Variants in GPCPD1 observed in about 807,000 individuals in gnomAD.
GPCPD1 encodes glycerophosphocholine phosphodiesterase GPCPD1.
In GPCPD1, 29 loss-of-function variants were observed where a neutral mutation model predicts 89.2. The ratio of observed to expected loss-of-function variants is 0.33; its 90% CI spans 0.24 to 0.44. GPCPD1 has a LOEUF of 0.44. Among genes scored for constraint, GPCPD1 ranks in the 20% least tolerant of loss-of-function variants. The pLI, the probability that GPCPD1 is intolerant of heterozygous loss-of-function variation, is 1.00. For missense variants in GPCPD1, 594 were observed against 808.9 expected (o/e 0.73, Z 3.22); for synonymous variants, 258 against 266.3 (o/e 0.97, Z 0.30).
rs924424487 is a variant in GPCPD1, at chr20:5,546,161, C to T, written c.*1500G>A. The T allele has an allele frequency of 1.3e-5, 2 of 152,168 alleles. No homozygotes were observed. The highest frequency in any genetic ancestry group is 4.8e-5 in the African/African-American group (2 of 41,424). The allele number at this position is 152,168 out of a possible 1,614,324, so 9.4% of individuals were successfully genotyped here. On this transcript the variant is annotated 3_prime_UTR_variant, in exon 20 of 20. Coordinates refer to ENST00000379019, the MANE Select transcript of GPCPD1 (RefSeq NM_019593.5). ...AGACTCCATTTCCTAAACTATTTTGCATTAATATCAACGTTACAAACGCAA... is the reference window on the plus strand; with the variant it reads ...AGACTCCATTTCCTAAACTATTTTGTATTAATATCAACGTTACAAACGCAA...
Position 5,546,490 on chromosome 20 carries a change from T to C in GPCPD1, c.*1171A>G, listed in dbSNP as rs1180928862. On this transcript the variant is annotated 3_prime_UTR_variant, in exon 20 of 20. Coordinates refer to ENST00000379019, the MANE Select transcript of GPCPD1 (RefSeq NM_019593.5). ...ATGAAGAAAATAAATCTGTATCATT[T>C]TATTTAACATTCATTCTTTAAGTTA... 6.6e-6 allele frequency: 1 copy of C among 152,252 alleles called. No individual in the cohort carries two copies. Among genetic ancestry groups the C allele is most frequent in the Non-Finnish European group, 1.5e-5 (1 of 68,042 alleles). The allele number at this position is 152,252 out of a possible 1,614,324, so 9.4% of individuals were successfully genotyped here. A position where few individuals can be genotyped will look rare whatever the true frequency, so the allele number is the denominator to read the frequency against.
intron 4 of GPCPD1, among the ~76,000 whole-genome samples, chr20:5,588,637 C>T (rs1979102823): frequency 7.5e-6 from 1 of 132,686 alleles, no homozygotes; most frequent in Admixed American, 7.4e-5. Context: ...CCAACCTGGC[C>T]AACATGGTGA....
chr20:5,565,224 TC>T, intron 14 of GPCPD1, 146 bp from the exon 15 acceptor site: 2 of 550,618 alleles, frequency 3.6e-6, no homozygotes, highest in African/African-American at 2.0e-5. Context: ...AACTCTGAGA[TC>T]CCTTTTTTTT....
chr20:5,569,538 TC>T (rs1452305942), intron 12 of GPCPD1, among the ~76,000 whole-genome samples: 1 of 151,674 alleles, frequency 6.6e-6, no homozygotes, highest in Non-Finnish European at 1.5e-5. Context: ...ATTCTTCTGG[TC>T]CCCTACTCCA....
At chr20:5,597,290 C>T (rs975509755) in intron 3 of GPCPD1, among the ~76,000 whole-genome samples, 3 of 151,854 alleles carry the variant, frequency 2.0e-5, no homozygotes, top group Non-Finnish European at 4.4e-5. Context: ...TTTTACTTTC[C>T]TTTGTTATTT....
At chr20:5,555,700 AC>A (rs1333527990) in intron 19 of GPCPD1, among the ~76,000 whole-genome samples, 1 of 152,134 alleles carries the variant, frequency 6.6e-6, no homozygotes, top group African/African-American at 2.4e-5. Context: ...TAGTAAAAAT[AC>A]AAAAATTAGC....
chr20:5,607,247 A>G (rs1052205571), intron 1 of GPCPD1, among the ~76,000 whole-genome samples: 2 of 151,912 alleles, frequency 1.3e-5, no homozygotes, highest in African/African-American at 4.8e-5. Flanking sequence ...AGATAGTGCC[A>G]CTGCACTCCA....
chr20:5,605,029 C>CA lies in GPCPD1; in HGVS notation c.-28-590dup, dbSNP rs531944986. 4.9e-3 allele frequency among the ~76,000 whole-genome samples: 743 copies of CA among 150,130 alleles called. 10 individuals are homozygous for CA. Among genetic ancestry groups the CA allele is most frequent in the African/African-American group, 0.016 (666 of 40,930 alleles). On this transcript the variant is annotated intron_variant, in intron 1 of 19. Transcript: ENST00000379019. ...AATGAAAATGAATCTCAATTATGAG[C>CA]AAAAAAAAAGATTAATTTCAGAGTC...
chr20:5,557,266 C>G lies in GPCPD1; in HGVS notation c.1829+679G>C, dbSNP rs749484881. ...TAAAAGCTTCCCTCTCACTACTGTA[C>G]TAAGAATAAACAGCCTGACCGTTAA... On this transcript the variant is annotated intron_variant, in intron 19 of 19. Transcript: ENST00000379019. 7.0e-4 allele frequency among the ~76,000 whole-genome samples: 106 copies of G among 152,298 alleles called. No homozygotes were observed. The Middle Eastern group carries it at 0.01, about 15-fold the overall frequency.
Position 5,551,320 on chromosome 20 carries a change from G to A in GPCPD1, c.1830-3470C>T, listed in dbSNP as rs538224315. On this transcript the variant is annotated intron_variant, in intron 19 of 19. Coordinates refer to ENST00000379019, the MANE Select transcript of GPCPD1 (RefSeq NM_019593.5). ...AACAGGAAGTATCTAAAGGACACTT[G>A]GAATTGTTTCAGGTGCATACTTGTA... Among the ~76,000 whole-genome samples, 159 of 152,296 alleles carry A rather than the reference G, an allele frequency of 1.0e-3. 1 individual carries two copies. The highest frequency in any genetic ancestry group is 3.6e-3 in the African/African-American group (151 of 41,558).
chr20:5,586,219 T>C lies in GPCPD1; in HGVS notation c.282A>G (p.Leu94=), dbSNP rs1978912159. ...QVIVHKWETH[L]QPRSITPLES... ...CTAAAGGGGTTATTGATCGTGGTTG[T>C]AGATGAGTCTCCCACTTGTGAACTA... The change falls in exon 5 of 20, where the codon CTA becomes CTG. Residue 94 remains leucine, a synonymous_variant. Coordinates refer to ENST00000379019, the MANE Select transcript of GPCPD1 (RefSeq NM_019593.5). 5 of 1,594,422 alleles carry C rather than the reference T, an allele frequency of 3.1e-6. No individual in the cohort carries two copies. Among genetic ancestry groups the C allele is most frequent in the East Asian group, 2.2e-5 (1 of 44,780 alleles).
At chr20:5,592,533 T>A (rs1238506523) in intron 4 of GPCPD1, among the ~76,000 whole-genome samples, 1 of 152,186 alleles carries the variant, frequency 6.6e-6, no homozygotes, top group Non-Finnish European at 1.5e-5. Flanking sequence ...AGTGGCTGCT[T>A]GCATTTTTCA....
chr20:5,604,747 T>C (rs111493348), intron 1 of GPCPD1, among the ~76,000 whole-genome samples: 5,759 of 144,654 alleles, frequency 0.04, 163 homozygotes, highest in South Asian at 0.066. Context: ...TGAGACCAAT[T>C]TGGGCAATAT....
At chr20:5,603,055 G>A (rs1052389723) in intron 2 of GPCPD1, among the ~76,000 whole-genome samples, 1 of 151,286 alleles carries the variant, frequency 6.6e-6, no homozygotes, top group African/African-American at 2.4e-5. Context: ...CACTTTGGGA[G>A]GCCGAGAGGC....
At chr20:5,580,188 A>C in intron 6 of GPCPD1, 57 bp from the exon 7 acceptor site, 1 of 902,486 alleles carries the variant, frequency 1.1e-6, no homozygotes, top group African/African-American at 1.7e-5. Context: ...TAAACAACAC[A>C]ATAAGTACCT....
At chr20:5,598,689 C>A in intron 3 of GPCPD1, 36 bp downstream of exon 3, 1 of 1,197,534 alleles carries the variant, frequency 8.4e-7, no homozygotes, top group South Asian at 1.2e-5. Flanking sequence ...AGGTTAATGT[C>A]ACAGTTATTC....
chr20:5,591,761 T>C (rs1026072842), intron 4 of GPCPD1, among the ~76,000 whole-genome samples: 1 of 152,204 alleles, frequency 6.6e-6, no homozygotes, highest in Admixed American at 6.5e-5. Context: ...TAAGCTGGCA[T>C]GTGGAGAAAA....
At chr20:5,585,122 T>C (rs563870210) in intron 5 of GPCPD1, 17 of 152,328 alleles carry the variant, frequency 1.1e-4, no homozygotes, top group African/African-American at 2.9e-4. Context: ...CCACTTCTCA[T>C]AATAAAATAT....
Position 5,547,047 on chromosome 20 carries a change from T to C in GPCPD1, c.*614A>G, listed in dbSNP as rs1410878209. 6.6e-6 allele frequency: 1 copy of C among 152,626 alleles called. No homozygotes were observed. The highest frequency in any genetic ancestry group is 1.9e-4 in the East Asian group (1 of 5,206). 9.5% of individuals were successfully genotyped at this position (152,626 alleles called of 1,614,324 possible). A position where few individuals can be genotyped will look rare whatever the true frequency, so the allele number is the denominator to read the frequency against. On this transcript the variant is annotated 3_prime_UTR_variant, in exon 20 of 20. Coordinates refer to ENST00000379019, the MANE Select transcript of GPCPD1 (RefSeq NM_019593.5). The stretch of plus-strand genomic sequence containing the variant: ...TTGATGTAAAACAACTTTTGAAAGA[T>C]TTATGAAACAAGTTTCGAGGTTCAC...
Sources: allele counts gnomAD v4.1 joint callset (sites outside exome capture counted in the v4.1 genomes callset), GRCh38; gene constraint gnomAD v4.1.1; transcripts MANE v1.5; gene names NCBI Gene and HGNC (gene_info 2026-07-23, HGNC 2026-07-21).